The following INF2 variants were observed in gnomAD, a reference collection of about 807,000 sequenced individuals.
INF2 encodes the protein inverted formin-2.
A neutral mutation model predicts 123.5 loss-of-function variants in INF2; 43 were observed. The observed-to-expected ratio is 0.35, with a 90% CI of 0.27 to 0.45. The LOEUF (loss-of-function observed/expected upper bound fraction) is 0.45. Among genes scored for constraint, INF2 ranks in the 20% least tolerant of loss-of-function variants. The pLI, the probability that INF2 is intolerant of heterozygous loss-of-function variation, is 1.00. For missense variants in INF2, 1,453 were observed against 1,682.7 expected (o/e 0.86, Z 2.39); for synonymous variants, 851 against 745.0 (o/e 1.14, Z -2.32).
chr14:104,685,047 G>C (rs1888623006), upstream of INF2: 1 of 152,206 alleles, frequency 6.6e-6, no homozygotes, highest in African/African-American at 2.4e-5. Flanking sequence ...GATGCAGACT[G>C]TTCTTAAGCA....
rs1171320113 is a variant in INF2 at position 104,684,066 on chromosome 14, G to T, written c.-104+2484G>T. ...CAGTGTCTTCTCACCTCGTTAGGTG[G>T]AGAACCCCTTCTTTAAGCAAAAGAT... On this transcript the variant is annotated intron_variant, in intron 1 of 2. Coordinates refer to the INF2 transcript ENST00000674723. This position sits in a 1 kb window ranked among gnomAD's most constrained non-coding sequence, Gnocchi z 5.0. 1 of 456,006 alleles carries T rather than the reference G, an allele frequency of 2.2e-6. No individual in the cohort carries two copies. The highest frequency in any genetic ancestry group is 2.3e-5 in the Admixed American group (1 of 42,568). The allele number at this position is 456,006 out of a possible 1,614,324, so 28.2% of individuals were successfully genotyped here.
chr14:104,696,301 G>C (rs1168695943), intron 1 of INF2, among the ~76,000 whole-genome samples: 1 of 152,220 alleles, frequency 6.6e-6, no homozygotes, highest in Non-Finnish European at 1.5e-5. Context: ...CAGGTGGCAT[G>C]AGGGCTGGAG....
chr14:104,707,435 G>A lies in INF2; in HGVS notation c.1168G>A (p.Ala390Thr). The A allele has an allele frequency of 6.4e-7, 1 of 1,572,362 alleles. No homozygotes were observed. Among genetic ancestry groups the A allele is most frequent in the Non-Finnish European group, 8.6e-7 (1 of 1,160,002 alleles). ...KPSVEGQQPAAAAACEPVDHA... is the reference protein window; with the variant it reads ...KPSVEGQQPATAAACEPVDHA... ...CAGCGTGGAGGGCCAGCAGCCAGCA[G>A]CAGCTGCTGCCTGCGAGCCCGTGGA... The change falls in exon 8 of 23, where the codon GCA (alanine) becomes ACA (threonine). Residue 390 changes from alanine (A) to threonine (T), a missense_variant. By Grantham distance (58) the Ala-to-Thr change is moderately conservative. Coordinates refer to ENST00000392634, the MANE Select transcript of INF2 (RefSeq NM_022489.4).
rs1417468025 is a variant in INF2, at chr14:104,719,944, G to C, written c.*1151G>C. 6.6e-6 allele frequency: 1 copy of C among 152,416 alleles called. No individual in the cohort carries two copies. Among genetic ancestry groups the C allele is most frequent in the Non-Finnish European group, 1.5e-5 (1 of 68,162 alleles). The allele number at this position is 152,416 out of a possible 1,614,324, so 9.4% of individuals were successfully genotyped here. A position where few individuals can be genotyped will look rare whatever the true frequency, so the allele number is the denominator to read the frequency against. On this transcript the variant is annotated 3_prime_UTR_variant, in exon 23 of 23. Transcript: ENST00000392634. ...CAGGGGCGTAATTTACAAACCACCAGACTCCCTGGTTATGTGTGTGCTGCG... is the reference window on the plus strand; with the variant it reads ...CAGGGGCGTAATTTACAAACCACCACACTCCCTGGTTATGTGTGTGCTGCG...
chr14:104,692,476 C>A (rs994837544), intron 1 of INF2, among the ~76,000 whole-genome samples: 3 of 152,198 alleles, frequency 2.0e-5, no homozygotes, highest in Non-Finnish European at 2.9e-5. Flanking sequence ...GGCCGAGGCC[C>A]CCCAGCCCTT....
Position 104,708,666 on chromosome 14 carries a change from T to C in INF2, c.1888-5T>C. 6.2e-7 allele frequency: 1 copy of C among 1,612,950 alleles called. No homozygotes were observed. Among genetic ancestry groups the C allele is most frequent in the Non-Finnish European group, 8.5e-7 (1 of 1,179,854 alleles). On this transcript the variant is annotated splice_polypyrimidine_tract_variant and splice_region_variant and intron_variant, in intron 9 of 22. Coordinates refer to ENST00000392634, the MANE Select transcript of INF2 (RefSeq NM_022489.4). ...TACCAGCCTGTTGGGTGGGGGGTTT[T>C]CTAGATCACTTTCCTCGATGCCAAG...
chr14:104,681,997 G>A (rs989863540), intron 1 of INF2, among the ~76,000 whole-genome samples: 29 of 152,184 alleles, frequency 1.9e-4, no homozygotes, highest in African/African-American at 7.0e-4. Context: ...CTCCAGGGAG[G>A]GGAGGAGGGC....
At chr14:104,693,730 C>T (rs1369947657) in intron 1 of INF2, among the ~76,000 whole-genome samples, 6 of 152,202 alleles carry the variant, frequency 3.9e-5, no homozygotes, top group Non-Finnish European at 5.9e-5. Flanking sequence ...CGGGGGTGGA[C>T]GTGGCCAGCT....
intron 2 of INF2, among the ~76,000 whole-genome samples, chr14:104,702,338 C>A (rs545105641): frequency 1.3e-5 from 2 of 152,192 alleles, no homozygotes; most frequent in East Asian, 3.8e-4. Context: ...TGCCTCTGCT[C>A]GTGTTTTCTG....
In INF2 at chr14:104,699,921, G is replaced by A. The variant is rs1194362231; in HGVS notation, c.-9-1436G>A. On this transcript the variant is annotated intron_variant, in intron 1 of 22. Coordinates refer to ENST00000392634, the MANE Select transcript of INF2 (RefSeq NM_022489.4). The surrounding 1 kb of genome is among the most constrained non-coding windows in gnomAD (Gnocchi z 4.7). ...CCTGGAAGGAGCCCACTGGCCCCCT[G>A]GGGCAGTTGGACAGGTGGAGGGCTG... 6.6e-6 allele frequency among the ~76,000 whole-genome samples: 1 copy of A among 152,136 alleles called. No homozygotes were observed. The highest frequency in any genetic ancestry group is 1.5e-5 in the Non-Finnish European group (1 of 67,990).
intron 22 of INF2, among the ~76,000 whole-genome samples, chr14:104,716,389 T>C (rs1383712671): frequency 6.6e-6 from 1 of 152,188 alleles, no homozygotes; most frequent in Non-Finnish European, 1.5e-5. Flanking sequence ...ATCTTCCGAG[T>C]GTGGCTCTCT....
In INF2 at chr14:104,711,669, G is replaced by A. The variant is rs759989953; in HGVS notation, c.2459G>A (p.Arg820Gln). The A allele has an allele frequency of 3.7e-5, 59 of 1,612,302 alleles. 1 individual carries two copies. Among genetic ancestry groups the A allele is most frequent in the Admixed American group, 1.3e-4 (8 of 59,996 alleles). ...CACCCCGACCTCCTGCAGCTGCCCCGGGACCTGGAACAGCCCTCGCAAGCA... is the reference window on the plus strand; with the variant it reads ...CACCCCGACCTCCTGCAGCTGCCCCAGGACCTGGAACAGCCCTCGCAAGCA... Reference protein sequence around the residue: ...KSHPDLLQLPRDLEQPSQAAG... With the variant: ...KSHPDLLQLPQDLEQPSQAAG... The change falls in exon 16 of 23, where the codon CGG becomes CAG. Residue 820 changes from arginine (R) to glutamine (Q), a missense_variant. Around this residue, in one of 8 missense-constraint regions of INF2, gnomAD observed 212 missense variants for 266.2 expected, o/e 0.80. Transcript: ENST00000392634.
At chr14:104,707,205 C>A in intron 7 of INF2, 48 bp from the exon 8 acceptor site, 1 of 1,563,188 alleles carries the variant, frequency 6.4e-7, no homozygotes, top group East Asian at 2.3e-5. Flanking sequence ...CCCCATCCCT[C>A]CCTCTCCGGC....
rs766722858 is a variant in INF2, at chr14:104,711,665, C to T, written c.2455C>T (p.Pro819Ser). 4 of 1,612,358 alleles carry T rather than the reference C, an allele frequency of 2.5e-6. No individual in the cohort carries two copies. Among genetic ancestry groups the T allele is most frequent in the East Asian group, 2.2e-5 (1 of 44,884 alleles). ...EKSHPDLLQL[P>S]RDLEQPSQAA... ...GAGCCACCCCGACCTCCTGCAGCTG[C>T]CCCGGGACCTGGAACAGCCCTCGCA... The change falls in exon 16 of 23, where the codon CCC becomes TCC. Residue 819 changes from proline to serine, a missense_variant. Pro to Ser is a moderately conservative substitution (Grantham distance 74). This residue lies in a region of INF2 where 212 missense variants were observed against 266.2 expected (regional missense o/e 0.80). Transcript: ENST00000392634.
chr14:104,705,035 G>A (rs1370948408), intron 5 of INF2, among the ~76,000 whole-genome samples: 1 of 152,216 alleles, frequency 6.6e-6, no homozygotes, highest in African/African-American at 2.4e-5. Flanking sequence ...CTCTATCCAG[G>A]CCTCAGTCAG....
upstream of INF2, among the ~76,000 whole-genome samples, chr14:104,687,831 G>A (rs1389784491): frequency 1.3e-5 from 2 of 152,166 alleles, no homozygotes; most frequent in Non-Finnish European, 2.9e-5. This position sits in a 1 kb window ranked among gnomAD's most constrained non-coding sequence, Gnocchi z 5.6. Context: ...CAGGGGAGGG[G>A]GCTGCAGGTC....
chr14:104,685,958 G>A (rs1484459280), upstream of INF2, among the ~76,000 whole-genome samples: 3 of 131,174 alleles, frequency 2.3e-5, no homozygotes, highest in Non-Finnish European at 4.8e-5. Context: ...GGGGATGGGT[G>A]CATGAGTGGA....
chr14:104,708,871 GTA>G (rs771599835), intron 10 of INF2, 139 bp downstream of exon 10: 135 of 961,292 alleles, frequency 1.4e-4, no homozygotes, highest in Middle Eastern at 3.0e-4. Flanking sequence ...TTGTAGGCGG[GTA>G]ATAGCCCCAT....
intron 1 of INF2, among the ~76,000 whole-genome samples, chr14:104,690,898 T>C (rs1888913598): frequency 3.9e-5 from 6 of 152,098 alleles, no homozygotes; most frequent in Admixed American, 3.9e-4. Flanking sequence ...AATAGTAGCA[T>C]TGGGTTCCAG....
Sources: gnomAD v4.1 joint callset for allele counts (sites outside exome capture counted in the v4.1 genomes callset) on GRCh38, gnomAD v4.1.1 for gene constraint, gnomAD v4.1.1 regional missense constraint, Gnocchi (gnomAD v3.1) non-coding constraint, MANE v1.5 for transcripts, NCBI Gene and HGNC (gene_info 2026-07-23, HGNC 2026-07-21) for gene names.